ST7: variants seen among roughly 807,000 people sequenced by gnomAD.
ST7 encodes the protein suppressor of tumorigenicity 7 protein.
A neutral mutation model predicts 78.7 loss-of-function variants in ST7; 28 were observed. That is an observed-to-expected ratio of 0.36 (90% CI 0.26 to 0.49). ST7 has a LOEUF of 0.49. Among genes scored for constraint, ST7 ranks in the 20% least tolerant of loss-of-function variants. ST7 has a pLI of 0.99. For missense variants in ST7, 418 were observed against 696.0 expected (o/e 0.60, Z 4.49); for synonymous variants, 247 against 249.6 (o/e 0.99, Z 0.10).
chr7:117,149,231 A>G (rs1439517849), intron 9 of ST7, among the ~76,000 whole-genome samples: 1 of 152,142 alleles, frequency 6.6e-6, no homozygotes, highest in African/African-American at 2.4e-5. Context: ...AGCCATTTAA[A>G]TACAAGCTTA....
chr7:117,175,216 T>A (rs1256807926), intron 10 of ST7, among the ~76,000 whole-genome samples: 6 of 152,234 alleles, frequency 3.9e-5, no homozygotes, highest in Non-Finnish European at 8.8e-5. Flanking sequence ...TCTTCAGTCA[T>A]ACATTTGCTA....
rs147225165 is a variant in ST7, at chr7:117,179,074, T to G, written c.1078+8098T>G. 2.2e-4 allele frequency among the ~76,000 whole-genome samples: 33 copies of G among 152,296 alleles called. 1 individual carries two copies. The East Asian group carries it at 5.4e-3, about 25-fold the overall frequency. On this transcript the variant is annotated intron_variant, in intron 10 of 15. Transcript: ENST00000323984. ...AATTTCATTCCACTGCTGTTTCAAA[T>G]AGACATCGAGATTAGAGCACCAACA...
intron 10 of ST7, among the ~76,000 whole-genome samples, chr7:117,174,997 T>C (rs1255334196): frequency 6.6e-6 from 1 of 152,208 alleles, no homozygotes; most frequent in African/African-American, 2.4e-5. Context: ...GCTGAAGCCA[T>C]GGTGCAGAAT....
intron 9 of ST7, among the ~76,000 whole-genome samples, chr7:117,150,094 C>G (rs1324944023): frequency 2.6e-5 from 4 of 152,154 alleles, no homozygotes; most frequent in Non-Finnish European, 4.4e-5. Flanking sequence ...GTTGTTAGCA[C>G]CAGGCCTCGC....
At chr7:116,980,406 C>T (rs1310649084) in intron 1 of ST7, among the ~76,000 whole-genome samples, 3 of 152,180 alleles carry the variant, frequency 2.0e-5, no homozygotes, top group African/African-American at 7.2e-5. Flanking sequence ...TCAATATACC[C>T]TATTGGCTCC....
intron 10 of ST7, among the ~76,000 whole-genome samples, chr7:117,183,899 G>A (rs1345844322): frequency 5.3e-5 from 8 of 152,212 alleles, no homozygotes. Flanking sequence ...TCCACACAAT[G>A]AAATACTACT....
chr7:117,154,577 G>A (rs960829722), intron 9 of ST7, among the ~76,000 whole-genome samples: 2 of 152,178 alleles, frequency 1.3e-5, no homozygotes, highest in Non-Finnish European at 2.9e-5. Context: ...GTCATCTGCT[G>A]GGAGTTAACT....
At chr7:117,107,603 CTTTTTTTTTTTTTT>C (rs71528121) in intron 2 of ST7, among the ~76,000 whole-genome samples, 6 of 73,582 alleles carry the variant, frequency 8.2e-5, no homozygotes, top group African/African-American at 3.1e-4. Flanking sequence ...TAGCCCACTT[CTTTTTTTTTTTTTT>C]TTTTTTTTTT....
chr7:117,180,056 G>A (rs1019894940), intron 10 of ST7, among the ~76,000 whole-genome samples: 4 of 152,220 alleles, frequency 2.6e-5, no homozygotes, highest in African/African-American at 9.6e-5. Flanking sequence ...GAATCCTAGT[G>A]CAGAAACTTT....
chr7:117,064,262 A>G (rs1158734387), intron 1 of ST7, among the ~76,000 whole-genome samples: 1 of 152,140 alleles, frequency 6.6e-6, no homozygotes, highest in Non-Finnish European at 1.5e-5. Context: ...CTTTTAGTTA[A>G]TGCTTTCTTA....
At chr7:116,984,376 A>G (rs1794099149) in intron 1 of ST7, among the ~76,000 whole-genome samples, 1 of 152,174 alleles carries the variant, frequency 6.6e-6, no homozygotes, top group Non-Finnish European at 1.5e-5. Context: ...TTCTTTTAAG[A>G]TGGCAGCAGT....
chr7:117,007,238 GC>G (rs1198196251), intron 1 of ST7, among the ~76,000 whole-genome samples: 1 of 152,190 alleles, frequency 6.6e-6, no homozygotes, highest in Non-Finnish European at 1.5e-5. Context: ...AATGTAAAGT[GC>G]TACTCCAATG....
chr7:117,020,504 G>A (rs1485561944), intron 1 of ST7: 23 of 1,400,702 alleles, frequency 1.6e-5, no homozygotes, highest in Non-Finnish European at 2.0e-5. Flanking sequence ...CTGTGTAGCC[G>A]GCTCATCTCT....
At chr7:117,075,960 C>T (rs1799308842) in intron 1 of ST7, among the ~76,000 whole-genome samples, 1 of 152,172 alleles carries the variant, frequency 6.6e-6, no homozygotes, top group African/African-American at 2.4e-5. Flanking sequence ...AAACCAGATC[C>T]CTGCACCATA....
chr7:116,955,982 A>G (rs987701003), intron 1 of ST7, among the ~76,000 whole-genome samples: 3 of 152,194 alleles, frequency 2.0e-5, no homozygotes, highest in African/African-American at 7.2e-5. Context: ...AAAGAAAGAT[A>G]AAAGGGGAAG....
chr7:117,145,084 G>A (rs1464201961), intron 9 of ST7, among the ~76,000 whole-genome samples: 2 of 151,918 alleles, frequency 1.3e-5, no homozygotes, highest in African/African-American at 2.4e-5. Flanking sequence ...CCTGTGGTCC[G>A]TGGTCCCAGC....
intron 9 of ST7, among the ~76,000 whole-genome samples, chr7:117,147,054 C>A (rs1483834592): frequency 6.6e-6 from 1 of 152,028 alleles, no homozygotes; most frequent in Non-Finnish European, 1.5e-5. Context: ...AATGTAGTGT[C>A]TTGTGTGTTT....
At chr7:117,196,159 C>T (rs1810286249) in intron 12 of ST7, among the ~76,000 whole-genome samples, 1 of 152,186 alleles carries the variant, frequency 6.6e-6, no homozygotes, top group African/African-American at 2.4e-5. Context: ...TCTTTATCCA[C>T]TCATCTGTCC....
intron 1 of ST7, among the ~76,000 whole-genome samples, chr7:117,086,610 T>G (rs1800166701): frequency 6.6e-6 from 1 of 152,180 alleles, no homozygotes; most frequent in South Asian, 2.1e-4. Flanking sequence ...AGGGATGAAT[T>G]TAGCTTGAGA....
Sources: gnomAD v4.1 joint callset for allele counts (sites outside exome capture counted in the v4.1 genomes callset) on GRCh38, gnomAD v4.1.1 for gene constraint, MANE v1.5 for transcripts, NCBI Gene and HGNC (gene_info 2026-07-23, HGNC 2026-07-21) for gene names.